WAPL: variants seen among roughly 807,000 people sequenced by gnomAD.
The protein encoded by WAPL is WAPL cohesin release factor.
In WAPL, 5 loss-of-function variants were observed where a neutral mutation model predicts 121.0. That is an observed-to-expected ratio of 0.04 (90% confidence interval 0.02 to 0.09). The LOEUF is 0.09. WAPL is among the 10% of genes least tolerant of loss of function. The pLI is 1.00. For missense variants in WAPL, 999 were observed against 1,410.8 expected (o/e 0.71, Z 4.68); for synonymous variants, 480 against 481.5 (o/e 1.00, Z 0.04).
chr10:86,465,937 C>T (rs901254074), intron 9 of WAPL, among the ~76,000 whole-genome samples: 2 of 151,938 alleles, frequency 1.3e-5, no homozygotes, highest in East Asian at 3.9e-4. Context: ...CTTATTTTTT[C>T]TTTTTTTCTT....
At position 86,517,678 on chromosome 10, in the gene WAPL, T is replaced by C. The variant is rs201930082; in HGVS notation, c.392A>G (p.Asp131Gly). 7 of 1,614,024 alleles carry C rather than the reference T, an allele frequency of 4.3e-6. No homozygotes were observed. Among genetic ancestry groups the C allele is most frequent in the Non-Finnish European group, 5.1e-6 (6 of 1,180,016 alleles). Residue 131 changes from aspartate (D) to glycine (G), a missense_variant, in exon 2 of 19, where the codon GAT (aspartate) becomes GGT (glycine). This residue lies in a region of WAPL where 531 missense variants were observed against 563.1 expected (regional missense o/e 0.94). Coordinates refer to ENST00000298767, the MANE Select transcript of WAPL (RefSeq NM_015045.5). ...HVVVEDTVVS[D>G]KCFPLEDTLL... Reference sequence around the variant, plus strand: ...AGTGTCCTCCAAAGGGAAGCATTTATCAGAAACGACAGTGTCTTCAACGAC... The same window carrying C: ...AGTGTCCTCCAAAGGGAAGCATTTACCAGAAACGACAGTGTCTTCAACGAC...
At chr10:86,441,337 C>T (rs1849465743) in intron 17 of WAPL, among the ~76,000 whole-genome samples, 1 of 152,146 alleles carries the variant, frequency 6.6e-6, no homozygotes, top group Non-Finnish European at 1.5e-5. Context: ...TTCAGGCTGA[C>T]TCAGCCTGAT....
intron 17 of WAPL, 121 bp from the exon 18 acceptor site, chr10:86,438,136 G>T: frequency 1.6e-6 from 1 of 623,324 alleles, no homozygotes; most frequent in Non-Finnish European, 2.8e-6. Flanking sequence ...TGGAACACGT[G>T]GTTATTTATT....
intron 16 of WAPL, among the ~76,000 whole-genome samples, chr10:86,444,319 T>A (rs761895553): frequency 1.3e-4 from 20 of 152,184 alleles, no homozygotes; most frequent in African/African-American, 4.3e-4. Flanking sequence ...CACAGTTACA[T>A]ACAATCCAAC....
chr10:86,490,896 C>A (rs187970667), intron 4 of WAPL, among the ~76,000 whole-genome samples: 1 of 151,544 alleles, frequency 6.6e-6, no homozygotes, highest in African/African-American at 2.4e-5. Context: ...AACCCCATCT[C>A]TACTAAAAAT....
intron 4 of WAPL, among the ~76,000 whole-genome samples, chr10:86,480,055 A>AACTC (rs1841747240): frequency 6.6e-6 from 1 of 152,238 alleles, no homozygotes; most frequent in South Asian, 2.1e-4. Flanking sequence ...AGACTACAGA[A>AACTC]ACTCCTAAAT....
intron 3 of WAPL, 77 bp from the exon 4 acceptor site, chr10:86,497,396 A>G: frequency 9.8e-7 from 1 of 1,023,728 alleles, no homozygotes; most frequent in Non-Finnish European, 1.5e-6. Context: ...GATTATATAT[A>G]CATGAATGAA....
At chr10:86,502,953 T>C (rs1236807095) in intron 2 of WAPL, among the ~76,000 whole-genome samples, 1 of 144,132 alleles carries the variant, frequency 6.9e-6, no homozygotes, top group Non-Finnish European at 1.5e-5. Context: ...AGGTCAGGAG[T>C]TCGAGGCCAG....
chr10:86,461,162 T>C lies in WAPL; in HGVS notation c.2482+14A>G, dbSNP rs767361433. 14 of 1,565,688 alleles carry C rather than the reference T, an allele frequency of 8.9e-6. No individual in the cohort carries two copies. The Admixed American group carries it at 1.0e-4, about 12-fold the overall frequency. ...AAATAATATATAAAAACATTCTAAA[T>C]GTAAATATCATACCTTTATCTACAA... is the stretch of plus-strand genomic sequence containing the variant. On this transcript the variant is annotated intron_variant, in intron 10 of 18. Transcript: ENST00000298767.
chr10:86,465,963 A>G (rs1477460491), intron 9 of WAPL, among the ~76,000 whole-genome samples: 1 of 152,180 alleles, frequency 6.6e-6, no homozygotes, highest in Non-Finnish European at 1.5e-5. Context: ...TCAAAACCAC[A>G]GGCCAATTAT....
chr10:86,453,007 C>A (rs1841027561), intron 14 of WAPL, among the ~76,000 whole-genome samples: 1 of 100,896 alleles, frequency 9.9e-6, no homozygotes, highest in Non-Finnish European at 1.8e-5. Flanking sequence ...CCACTGTAGA[C>A]TCCATCTCCC....
At chr10:86,486,962 CA>C (rs957605791) in intron 4 of WAPL, among the ~76,000 whole-genome samples, 2 of 151,308 alleles carry the variant, frequency 1.3e-5, no homozygotes, top group African/African-American at 4.9e-5. Context: ...GTCTCAACAA[CA>C]AAAAAAGAAC....
intron 8 of WAPL, 99 bp downstream of exon 8, chr10:86,470,893 G>A: frequency 1.1e-6 from 1 of 891,054 alleles, no homozygotes; most frequent in Non-Finnish European, 1.6e-6. Flanking sequence ...CTATAATTAG[G>A]ATATATTTAT....
At chr10:86,497,500 T>C (rs948391198) in intron 3 of WAPL, among the ~76,000 whole-genome samples, 181 bp from the exon 4 acceptor site, 4 of 152,192 alleles carry the variant, frequency 2.6e-5, no homozygotes, top group African/African-American at 9.6e-5. Flanking sequence ...CCATTCTCCC[T>C]TCCTGCTTGT....
chr10:86,447,574 T>C (rs1204254424), intron 15 of WAPL, among the ~76,000 whole-genome samples: 2 of 151,774 alleles, frequency 1.3e-5, no homozygotes. Context: ...GGCAAGAGTA[T>C]GAAAGAATGG....
At chr10:86,446,581 G>T in intron 15 of WAPL, 132 bp from the exon 16 acceptor site, 1 of 1,044,570 alleles carries the variant, frequency 9.6e-7, no homozygotes, top group Non-Finnish European at 1.3e-6. Flanking sequence ...AAAGAGGTGA[G>T]TATAAGTAAA....
rs1449059596 is a variant in WAPL at position 86,472,369 on chromosome 10, C to A, written c.1894-25G>T. On this transcript the variant is annotated intron_variant, in intron 6 of 18. Transcript: ENST00000298767. This position sits in a 1 kb window ranked among gnomAD's most constrained non-coding sequence, Gnocchi z 4.2. Reference sequence around the variant, plus strand: ...ACTGCCAAGAAAAAAAAAGTTCACCCCTTTTTAACTAGGAACTAGCATATT... The same window carrying A: ...ACTGCCAAGAAAAAAAAAGTTCACCACTTTTTAACTAGGAACTAGCATATT... 6.3e-7 allele frequency: 1 copy of A among 1,585,898 alleles called. No homozygotes were observed. The highest frequency in any genetic ancestry group is 8.5e-7 in the Non-Finnish European group (1 of 1,173,572).
At chr10:86,513,141 G>A (rs528672491) in intron 2 of WAPL, among the ~76,000 whole-genome samples, 33 of 152,088 alleles carry the variant, frequency 2.2e-4, no homozygotes, top group Admixed American at 2.2e-3. Context: ...CTACCTCCCC[G>A]ATTCAAGCAA....
intron 11 of WAPL, 60 bp from the exon 12 acceptor site, chr10:86,459,125 C>T (rs1235787488): frequency 1.1e-5 from 15 of 1,329,248 alleles, no homozygotes; most frequent in Non-Finnish European, 1.6e-5. Context: ...ATTCATGTAA[C>T]ACCACATTCT....
Sources: gnomAD v4.1 joint callset for allele counts (sites outside exome capture counted in the v4.1 genomes callset) on GRCh38, gnomAD v4.1.1 for gene constraint, gnomAD v4.1.1 regional missense constraint, Gnocchi (gnomAD v3.1) non-coding constraint, MANE v1.5 for transcripts, NCBI Gene and HGNC (gene_info 2026-07-23, HGNC 2026-07-21) for gene names.